CEP128: variants seen among roughly 807,000 people sequenced by gnomAD.
CEP128 encodes centrosomal protein 128kDa.
A neutral mutation model predicts 156.7 loss-of-function variants in CEP128; 132 were observed. The observed-to-expected ratio is 0.84, with a 90% confidence interval of 0.73 to 0.97. CEP128 has a LOEUF of 0.97. Among genes scored for constraint, CEP128 ranks in the 50% least tolerant of loss-of-function variants. CEP128 has a pLI of 0.00. For missense variants in CEP128, 1,252 were observed against 1,281.9 expected (o/e 0.98, Z 0.36); for synonymous variants, 469 against 448.9 (o/e 1.04, Z -0.57).
chr14:80,588,816 C>T (rs1891927929), intron 19 of CEP128, among the ~76,000 whole-genome samples: 1 of 152,000 alleles, frequency 6.6e-6, no homozygotes, highest in Admixed American at 6.6e-5. Flanking sequence ...TTAAAAAAAG[C>T]ATGGGACTTT....
chr14:80,788,830 A>G (rs1348045724), intron 14 of CEP128, among the ~76,000 whole-genome samples: 1 of 152,116 alleles, frequency 6.6e-6, no homozygotes, highest in Non-Finnish European at 1.5e-5. Context: ...TTTTCTGCTG[A>G]GGGTAAGAGA....
chr14:80,881,294 T>A (rs1888541607), intron 8 of CEP128, among the ~76,000 whole-genome samples: 1 of 152,150 alleles, frequency 6.6e-6, no homozygotes, highest in Non-Finnish European at 1.5e-5. Flanking sequence ...TATGAGTAAC[T>A]ATATGCCAAT....
chr14:80,561,610 CCA>C (rs1890676605), intron 20 of CEP128, among the ~76,000 whole-genome samples: 2 of 152,096 alleles, frequency 1.3e-5, no homozygotes, highest in African/African-American at 4.8e-5. Flanking sequence ...TTTCCCTATA[CCA>C]TGGGTTTGAG....
intron 19 of CEP128, among the ~76,000 whole-genome samples, chr14:80,718,492 T>C (rs1178388630): frequency 6.6e-6 from 1 of 152,208 alleles, no homozygotes; most frequent in Non-Finnish European, 1.5e-5. Flanking sequence ...ATTATACACA[T>C]ATCACATATA....
intron 23 of CEP128, 44 bp downstream of exon 23, chr14:80,526,825 A>G: frequency 1.8e-6 from 2 of 1,087,380 alleles, no homozygotes; most frequent in Non-Finnish European, 1.4e-6. Flanking sequence ...AGCCTTAAAC[A>G]TGGATACTAC....
At chr14:80,869,910 A>C (rs747861435) in intron 8 of CEP128, among the ~76,000 whole-genome samples, 1 of 152,098 alleles carries the variant, frequency 6.6e-6, no homozygotes, top group Non-Finnish European at 1.5e-5. Flanking sequence ...AAAGTAAAAG[A>C]GGAGACATTA....
intron 8 of CEP128, among the ~76,000 whole-genome samples, chr14:80,882,236 C>A (rs1335532339): frequency 6.6e-6 from 1 of 151,830 alleles, no homozygotes; most frequent in Non-Finnish European, 1.5e-5. Flanking sequence ...AAAAAAAAAT[C>A]TCATAATCCA....
chr14:80,877,354 A>G (rs900889166), intron 8 of CEP128, among the ~76,000 whole-genome samples: 1 of 152,222 alleles, frequency 6.6e-6, no homozygotes, highest in Non-Finnish European at 1.5e-5. Context: ...CAAATCCTCC[A>G]AATCAAAACA....
chr14:80,533,588 A>G (rs1247962991), intron 21 of CEP128, among the ~76,000 whole-genome samples: 1 of 152,106 alleles, frequency 6.6e-6, no homozygotes, highest in Non-Finnish European at 1.5e-5. Context: ...TCAAACGGCT[A>G]TGTTTTTGTG....
At chr14:80,551,153 C>A (rs1404143910) in intron 21 of CEP128, among the ~76,000 whole-genome samples, 1 of 152,122 alleles carries the variant, frequency 6.6e-6, no homozygotes, top group East Asian at 1.9e-4. Context: ...TCTCTTTTGA[C>A]TTTGTTGAAA....
chr14:80,782,458 T>A (rs904493191), intron 15 of CEP128, among the ~76,000 whole-genome samples: 2 of 152,218 alleles, frequency 1.3e-5, no homozygotes, highest in Non-Finnish European at 2.9e-5. Flanking sequence ...GGAAGTACTT[T>A]ACACGCTCCT....
chr14:80,541,210 G>A (rs533820589), intron 21 of CEP128, among the ~76,000 whole-genome samples: 5 of 152,154 alleles, frequency 3.3e-5, no homozygotes, highest in African/African-American at 9.6e-5. Flanking sequence ...TAACCTTTTT[G>A]GCACTAGCCA....
At chr14:80,514,181 C>T (rs151083421) in intron 23 of CEP128, among the ~76,000 whole-genome samples, 2,125 of 152,296 alleles carry the variant, frequency 0.014, 30 homozygotes, top group Middle Eastern at 0.034. Flanking sequence ...TCCCACCTTT[C>T]TGAACCAAAC....
At position 80,785,393 on chromosome 14, in the gene CEP128, C is replaced by G. The variant is rs1214359975; in HGVS notation, c.1713G>C (p.Lys571Asn). ...HSKEEKLRDI[K>N]SHQADLELEV... ...CCAATTCAAGGTCAGCTTGATGAGA[C>G]TTAATATCACGTAATTTCTCCTCCT... Residue 571 changes from lysine to asparagine, a missense_variant, in exon 15 of 25, where the codon AAG (lysine) becomes AAC (asparagine). Lys to Asn is a moderately conservative substitution (Grantham distance 94). Transcript: ENST00000555265. 6.2e-7 allele frequency: 1 copy of G among 1,614,130 alleles called. No individual in the cohort carries two copies. Among genetic ancestry groups the G allele is most frequent in the Middle Eastern group, 1.6e-4 (1 of 6,062 alleles).
chr14:80,946,714 T>C (rs551553952), upstream of CEP128, among the ~76,000 whole-genome samples: 5 of 152,226 alleles, frequency 3.3e-5, no homozygotes, highest in Admixed American at 1.3e-4. Flanking sequence ...ACAGAGGTAG[T>C]GCCGTTTCAA....
chr14:80,511,029 T>A (rs1888222863), intron 23 of CEP128, among the ~76,000 whole-genome samples: 1 of 150,306 alleles, frequency 6.7e-6, no homozygotes, highest in Non-Finnish European at 1.5e-5. Flanking sequence ...TTCATCAATG[T>A]TCATCAGAGA....
At chr14:80,657,052 GT>G (rs910966795) in intron 19 of CEP128, among the ~76,000 whole-genome samples, 18 of 152,104 alleles carry the variant, frequency 1.2e-4, no homozygotes, top group Admixed American at 1.2e-3. Flanking sequence ...GAAGTCAGGT[GT>G]TCAAGACCAG....
chr14:80,756,545 G>C (rs1243371243), intron 18 of CEP128, among the ~76,000 whole-genome samples: 1 of 152,100 alleles, frequency 6.6e-6, no homozygotes, highest in African/African-American at 2.4e-5. Context: ...TCTATGACAT[G>C]CTGGTAGCAT....
intron 6 of CEP128, among the ~76,000 whole-genome samples, chr14:80,491,419 GA>G (rs2140159325): frequency 6.6e-6 from 1 of 152,030 alleles, no homozygotes; most frequent in African/African-American, 2.4e-5. Flanking sequence ...CAGAGGGGGG[GA>G]AAAAGAAAGA....
Sources: gnomAD v4.1 joint callset for allele counts (sites outside exome capture counted in the v4.1 genomes callset) on GRCh38, gnomAD v4.1.1 for gene constraint, MANE v1.5 for transcripts, NCBI Gene and HGNC (gene_info 2026-07-23, HGNC 2026-07-21) for gene names.